SLC38A12: variants seen among roughly 807,000 people sequenced by gnomAD.
SLC38A12 encodes putative sodium-coupled neutral amino acid transporter 12.
chr17:74,798,526 A>G, the SLC38A12 span, among the ~76,000 whole-genome samples: 1 of 152,144 alleles, frequency 6.6e-6, no homozygotes, highest in Non-Finnish European at 1.5e-5. Flanking sequence ...CGCGGCTGAT[A>G]TGAGTCACTT....
the SLC38A12 span, among the ~76,000 whole-genome samples, chr17:74,821,198 T>C: frequency 6.6e-6 from 1 of 152,222 alleles, no homozygotes; most frequent in East Asian, 1.9e-4. Flanking sequence ...CCCTCTTGGT[T>C]TGTCCTTGCA....
the SLC38A12 span, among the ~76,000 whole-genome samples, chr17:74,823,862 G>A: frequency 2.1e-4 from 32 of 152,270 alleles, no homozygotes; most frequent in Non-Finnish European, 4.1e-4. Flanking sequence ...TACTCCCAAG[G>A]TGCACAGTTG....
the SLC38A12 span, among the ~76,000 whole-genome samples, chr17:74,807,643 C>A: frequency 6.6e-6 from 1 of 152,216 alleles, no homozygotes. Context: ...CTTTGGGGGG[C>A]AGAAGTAGAA....
chr17:74,812,191 A>G, the SLC38A12 span, among the ~76,000 whole-genome samples: 1 of 151,050 alleles, frequency 6.6e-6, no homozygotes, highest in Non-Finnish European at 1.5e-5. Context: ...ATGTCTGTTG[A>G]GTGTCTTCTG....
At chr17:74,817,545 A>G in the SLC38A12 span, among the ~76,000 whole-genome samples, 3 of 152,142 alleles carry the variant, frequency 2.0e-5, no homozygotes, top group Non-Finnish European at 4.4e-5. Flanking sequence ...CCTCACACAT[A>G]CCACTTACAA....
At chr17:74,782,300 T>G in the SLC38A12 span, among the ~76,000 whole-genome samples, 1 of 152,272 alleles carries the variant, frequency 6.6e-6, no homozygotes, top group African/African-American at 2.4e-5. Flanking sequence ...ACTCCTCAGC[T>G]CAGGCAATAC....
the SLC38A12 span, among the ~76,000 whole-genome samples, chr17:74,801,319 G>C: frequency 6.6e-6 from 1 of 152,250 alleles, no homozygotes; most frequent in African/African-American, 2.4e-5. Context: ...TGGCACCGCA[G>C]GTGCACTGCG....
the SLC38A12 span, chr17:74,777,502 G>A: frequency 6.4e-7 from 1 of 1,555,492 alleles, no homozygotes; most frequent in Non-Finnish European, 8.7e-7. Flanking sequence ...AGCAGGATGG[G>A]GGAGTTCCAT....
the SLC38A12 span, chr17:74,836,440 C>T: frequency 2.5e-6 from 4 of 1,608,388 alleles, no homozygotes; most frequent in South Asian, 1.1e-5. This position sits in a 1 kb window ranked among gnomAD's most constrained non-coding sequence, Gnocchi z 4.2. Context: ...GCCTTCTGCA[C>T]CCACGACCTG....
chr17:74,836,222 C>A, the SLC38A12 span: 1 of 1,611,514 alleles, frequency 6.2e-7, no homozygotes, highest in African/African-American at 1.3e-5. This position sits in a 1 kb window ranked among gnomAD's most constrained non-coding sequence, Gnocchi z 4.2. Context: ...CCCTCAACTT[C>A]GCGCGCTGTG....
chr17:74,837,448 C>T, the SLC38A12 span: 23 of 985,554 alleles, frequency 2.3e-5, no homozygotes, highest in East Asian at 1.1e-4. Context: ...CTGCTGCCCT[C>T]GCTGCCCCAC....
At chr17:74,838,917 C>A in the SLC38A12 span, 1 of 1,535,762 alleles carries the variant, frequency 6.5e-7, no homozygotes, top group South Asian at 1.2e-5. Context: ...ATGGGAAGAG[C>A]AGAAGAGGAT....
the SLC38A12 span, chr17:74,790,079 A>G: frequency 4.6e-4 from 337 of 732,252 alleles, 1 homozygote; most frequent in African/African-American, 5.1e-3. Flanking sequence ...TCAGCCTCCC[A>G]GGTAGCTAGG....
chr17:74,831,571 C>G, the SLC38A12 span, among the ~76,000 whole-genome samples: 2 of 152,246 alleles, frequency 1.3e-5, no homozygotes, highest in African/African-American at 2.4e-5. Context: ...TCCCCTCTGC[C>G]TCCTCCCAGC....
the SLC38A12 span, among the ~76,000 whole-genome samples, chr17:74,800,221 C>A: frequency 1.3e-5 from 2 of 152,222 alleles, no homozygotes; most frequent in Admixed American, 6.5e-5. Flanking sequence ...GCATGGAGCA[C>A]CTCTTCTCAG....
At chr17:74,815,461 C>G in the SLC38A12 span, among the ~76,000 whole-genome samples, 1 of 152,154 alleles carries the variant, frequency 6.6e-6, no homozygotes, top group Non-Finnish European at 1.5e-5. Flanking sequence ...GTTTCTCTGA[C>G]CAGCTAAATG....
chr17:74,839,346 C>T, the SLC38A12 span: 32 of 597,742 alleles, frequency 5.4e-5, no homozygotes, highest in Non-Finnish European at 8.7e-5. Flanking sequence ...GGGCTGCTGC[C>T]CCGCTCCTGG....
At chr17:74,829,506 T>C in the SLC38A12 span, among the ~76,000 whole-genome samples, 180 of 152,310 alleles carry the variant, frequency 1.2e-3, no homozygotes, top group African/African-American at 4.0e-3. The surrounding 1 kb of genome is among the most constrained non-coding windows in gnomAD (Gnocchi z 4.1). Context: ...AGCACGGCTC[T>C]AGATGCTTCT....
At chr17:74,839,113 T>G in the SLC38A12 span, 1 of 1,531,120 alleles carries the variant, frequency 6.5e-7, no homozygotes, top group Admixed American at 2.0e-5. Flanking sequence ...CCCCAGAGCC[T>G]CATGCCAGCA....
Sources: allele counts gnomAD v4.1 joint callset (sites outside exome capture counted in the v4.1 genomes callset), GRCh38; gene constraint gnomAD v4.1.1; non-coding constraint Gnocchi (gnomAD v3.1); transcripts MANE v1.5; gene names NCBI Gene and HGNC (gene_info 2026-07-23, HGNC 2026-07-21).